Variants in SUSD5 observed in about 807,000 individuals in gnomAD.
SUSD5 encodes the protein sushi domain containing 5.
A neutral mutation model predicts 29.5 loss-of-function variants in SUSD5; 33 were observed. The ratio of observed to expected loss-of-function variants is 1.12; its 90% CI spans 0.85 to 1.49. SUSD5 has a LOEUF of 1.49. Among genes scored for constraint, SUSD5 ranks in the 40% most tolerant of loss-of-function variants. SUSD5 has a pLI of 0.00. For missense variants in SUSD5, 776 were observed against 800.6 expected (o/e 0.97, Z 0.37); for synonymous variants, 308 against 325.3 (o/e 0.95, Z 0.57).
At position 33,192,935 on chromosome 3, in the gene SUSD5, T is replaced by C. The variant is rs529629052; in HGVS notation, c.409+14873A>G. Among the ~76,000 whole-genome samples, 5 of 152,342 alleles carry C rather than the reference T, an allele frequency of 3.3e-5. No homozygotes were observed. In the South Asian group the frequency reaches 1.0e-3, roughly 32 times the overall value. ...TTCCCACTAATTTGAAGTTTCACCA[T>C]TCTTACTATACACTTATGTATGTTG... On this transcript the variant is annotated intron_variant, in intron 3 of 4. Coordinates refer to ENST00000309558, the MANE Select transcript of SUSD5 (RefSeq NM_015551.2).
chr3:33,193,363 G>C (rs1415003203), intron 3 of SUSD5, among the ~76,000 whole-genome samples: 1 of 152,216 alleles, frequency 6.6e-6, no homozygotes, highest in Non-Finnish European at 1.5e-5. Context: ...GGAGCCAAAT[G>C]AGGTGCAGAG....
intron 3 of SUSD5, among the ~76,000 whole-genome samples, chr3:33,193,077 A>G (rs1029793928): frequency 5.3e-5 from 8 of 152,152 alleles, no homozygotes; most frequent in African/African-American, 1.7e-4. Flanking sequence ...CAATAAGTTG[A>G]TAAGACTGAA....
chr3:33,161,888 G>C (rs2031196995), intron 4 of SUSD5, among the ~76,000 whole-genome samples: 1 of 152,096 alleles, frequency 6.6e-6, no homozygotes, highest in South Asian at 2.1e-4. Flanking sequence ...TGATCATAGT[G>C]AGATATTTTA....
At chr3:33,179,174 G>A (rs1017415124) in intron 3 of SUSD5, among the ~76,000 whole-genome samples, 3 of 152,172 alleles carry the variant, frequency 2.0e-5, no homozygotes, top group Non-Finnish European at 4.4e-5. Flanking sequence ...ACAATTTAAT[G>A]TAGGTTATCA....
chr3:33,154,687 AAAAC>A (rs1206729173), intron 4 of SUSD5, among the ~76,000 whole-genome samples: 2 of 152,244 alleles, frequency 1.3e-5, no homozygotes, highest in East Asian at 1.9e-4. Context: ...TAACATTAAA[AAAAC>A]CAAACACATA....
intron 1 of SUSD5, among the ~76,000 whole-genome samples, chr3:33,217,568 C>G (rs1575548475): frequency 1.3e-5 from 2 of 152,152 alleles, no homozygotes; most frequent in East Asian, 3.9e-4. Flanking sequence ...TGGAGAAATA[C>G]GACATTCATC....
chr3:33,207,470 T>C (rs532332733), intron 3 of SUSD5, among the ~76,000 whole-genome samples: 110 of 152,298 alleles, frequency 7.2e-4, no homozygotes, highest in African/African-American at 2.5e-3. Flanking sequence ...CACACATGAC[T>C]GACAGGTGTG....
intron 4 of SUSD5, among the ~76,000 whole-genome samples, chr3:33,156,870 A>G (rs1338145870): frequency 2.6e-5 from 4 of 152,250 alleles, no homozygotes; most frequent in Non-Finnish European, 1.5e-5. Flanking sequence ...ATGTAAGCCC[A>G]TTCACTTTAC....
intron 4 of SUSD5, among the ~76,000 whole-genome samples, chr3:33,174,165 G>T (rs1446610523): frequency 6.6e-6 from 1 of 152,194 alleles, no homozygotes; most frequent in African/African-American, 2.4e-5. Flanking sequence ...AGGCCAGGGA[G>T]CAGAGCAAGG....
chr3:33,164,466 G>A (rs777180018), intron 4 of SUSD5, among the ~76,000 whole-genome samples: 15 of 152,158 alleles, frequency 9.9e-5, no homozygotes, highest in Non-Finnish European at 1.9e-4. Flanking sequence ...CTTGAAGATG[G>A]TTAAGATGGT....
intron 1 of SUSD5, 113 bp from the exon 2 acceptor site, chr3:33,214,218 C>T: frequency 2.1e-6 from 2 of 950,620 alleles, no homozygotes; most frequent in Non-Finnish European, 3.0e-6. Context: ...CCTGAAGGCC[C>T]AAGTGCAGCA....
At position 33,153,373 on chromosome 3, in the gene SUSD5, G is replaced by A. The variant is rs1374023717; in HGVS notation, c.1259C>T (p.Pro420Leu). The change falls in exon 5 of 5, where the codon CCC becomes CTC. Residue 420 changes from proline (P) to leucine (L), a missense_variant. By Grantham distance (98) the Pro-to-Leu change is moderately conservative (BLOSUM62 -3). Transcript: ENST00000309558. Reference protein sequence around the residue: ...DQPILVEVKKPKSSTLTPSEG... With the variant: ...DQPILVEVKKLKSSTLTPSEG... The stretch of plus-strand genomic sequence containing the variant: ...GCTTGGTGTGAGGGTGCTACTCTTG[G>A]GCTTCTTAACTTCCACAAGAATGGG... The A allele has an allele frequency of 1.9e-6, 3 of 1,613,660 alleles. No homozygotes were observed. The highest frequency in any genetic ancestry group is 2.5e-6 in the Non-Finnish European group (3 of 1,179,826).
chr3:33,188,156 A>G (rs1156685070), intron 3 of SUSD5, among the ~76,000 whole-genome samples: 1 of 152,238 alleles, frequency 6.6e-6, no homozygotes, highest in Non-Finnish European at 1.5e-5. Context: ...GCTTCTGATA[A>G]CCAGTGTTTC....
chr3:33,204,477 C>CT lies in SUSD5; in HGVS notation c.409+3330_409+3331insA, dbSNP rs1416582183. Among the ~76,000 whole-genome samples the CT allele has an allele frequency of 1.7e-3, 263 of 152,172 alleles. 3 individuals carry two copies. The highest frequency in any genetic ancestry group is 6.0e-3 in the African/African-American group (249 of 41,522). ...CTGGGACGACAGGTGCCCACTACCA[C>CT]ACCCGGCTAATTTTTTTGTATTTTT... On this transcript the variant is annotated intron_variant, in intron 3 of 4. Transcript: ENST00000309558. This position sits in a 1 kb window ranked among gnomAD's most constrained non-coding sequence, Gnocchi z 4.5.
At chr3:33,171,646 C>A (rs2031430514) in intron 4 of SUSD5, among the ~76,000 whole-genome samples, 1 of 152,262 alleles carries the variant, frequency 6.6e-6, no homozygotes, top group African/African-American at 2.4e-5. Context: ...AGTCCTTGGC[C>A]TTCTTCCTCC....
chr3:33,194,796 T>G (rs1048673864), intron 3 of SUSD5, among the ~76,000 whole-genome samples: 2 of 152,228 alleles, frequency 1.3e-5, no homozygotes, highest in Non-Finnish European at 2.9e-5. Context: ...GATGGAATAG[T>G]AGCTAAAAGG....
At chr3:33,209,923 ACT>A (rs1231754649) in intron 2 of SUSD5, among the ~76,000 whole-genome samples, 2 of 151,998 alleles carry the variant, frequency 1.3e-5, no homozygotes, top group Non-Finnish European at 1.5e-5. Flanking sequence ...CAGTTTCCAC[ACT>A]CTGCCAAAAT....
At chr3:33,156,506 A>G (rs2031057325) in intron 4 of SUSD5, among the ~76,000 whole-genome samples, 1 of 152,196 alleles carries the variant, frequency 6.6e-6, no homozygotes, top group African/African-American at 2.4e-5. Context: ...ACTGGTCAGG[A>G]AAGCTCAAGA....
chr3:33,206,242 C>T (rs1350228957), intron 3 of SUSD5, among the ~76,000 whole-genome samples: 2 of 151,906 alleles, frequency 1.3e-5, no homozygotes, highest in East Asian at 1.9e-4. Flanking sequence ...GGCATGGTGG[C>T]GGGCGCCTGT....
Sources: gnomAD v4.1 joint callset for allele counts (sites outside exome capture counted in the v4.1 genomes callset) on GRCh38, gnomAD v4.1.1 for gene constraint, Gnocchi (gnomAD v3.1) non-coding constraint, MANE v1.5 for transcripts, NCBI Gene and HGNC (gene_info 2026-07-23, HGNC 2026-07-21) for gene names.